Variants in CECR2 observed in about 807,000 individuals in gnomAD.
The protein encoded by CECR2 is chromatin remodeling regulator CECR2.
A neutral mutation model predicts 154.5 loss-of-function variants in CECR2; 30 were observed. The ratio of observed to expected loss-of-function variants is 0.19; its 90% confidence interval spans 0.15 to 0.26. The LOEUF (loss-of-function observed/expected upper bound fraction) is 0.26, where lower values mean the gene tolerates loss of function less well. Among genes scored for constraint, CECR2 ranks in the 10% least tolerant of loss-of-function variants. The pLI, the probability that CECR2 is intolerant of heterozygous loss-of-function variation, is 1.00. For missense variants in CECR2, 1,743 were observed against 1,829.3 expected (o/e 0.95, Z 0.86); for synonymous variants, 725 against 683.7 (o/e 1.06, Z -0.94).
intron 2 of CECR2, among the ~76,000 whole-genome samples, chr22:17,488,191 T>C (rs1437845093): frequency 6.6e-6 from 1 of 152,194 alleles, no homozygotes; most frequent in East Asian, 1.9e-4. Context: ...CCTCATTTAA[T>C]TTTTAATTAT....
intron 9 of CECR2, among the ~76,000 whole-genome samples, chr22:17,530,999 A>G (rs973844855): frequency 6.6e-6 from 1 of 152,126 alleles, no homozygotes; most frequent in African/African-American, 2.4e-5. Context: ...GCGCCACAAC[A>G]TTACTTACAC....
chr22:17,527,216 G>T (rs901975162), intron 9 of CECR2, among the ~76,000 whole-genome samples: 3 of 152,230 alleles, frequency 2.0e-5, no homozygotes, highest in African/African-American at 7.2e-5. Flanking sequence ...TCAGCACTTT[G>T]GGAGGCCAAG....
Position 17,542,705 on chromosome 22 carries a change from T to A in CECR2, c.2562T>A (p.Pro854=). The A allele has an allele frequency of 6.2e-7, 1 of 1,613,990 alleles. No individual in the cohort carries two copies. Among genetic ancestry groups the A allele is most frequent in the South Asian group, 1.1e-5 (1 of 91,074 alleles). Residue 854 remains proline (P), a synonymous_variant, in exon 16 of 19, where the codon CCT becomes CCA. Coordinates refer to ENST00000262608, the MANE Select transcript of CECR2 (RefSeq NM_001290047.2). ...CTGCCGGACATCGGTTACAGCCACCTCCAGTGCCAGCACCCAGTTCTTTGT... is the reference window on the plus strand; with the variant it reads ...CTGCCGGACATCGGTTACAGCCACCACCAGTGCCAGCACCCAGTTCTTTGT... ...CKSAGHRLQP[P]PVPAPSSLFG...
intron 2 of CECR2, among the ~76,000 whole-genome samples, chr22:17,484,627 G>A (rs373181466): frequency 1.7e-4 from 26 of 152,078 alleles, no homozygotes; most frequent in East Asian, 9.7e-4. Flanking sequence ...GAGGTCTGGC[G>A]CAACGTCTCA....
At chr22:17,497,360 T>C (rs1601460316) in intron 2 of CECR2, 43 bp from the exon 3 acceptor site, 1 of 1,542,428 alleles carries the variant, frequency 6.5e-7, no homozygotes, top group Non-Finnish European at 8.8e-7. Context: ...AACCAACCTA[T>C]ATTTTATATT....
intron 1 of CECR2, among the ~76,000 whole-genome samples, chr22:17,430,185 A>G (rs376985675): frequency 2.6e-5 from 4 of 152,110 alleles, no homozygotes; most frequent in Non-Finnish European, 4.4e-5. Context: ...TTTTATCTGC[A>G]TTACTTCTTT....
chr22:17,404,531 G>A lies in CECR2; in HGVS notation c.126+34622G>A, dbSNP rs565452676. ...TGGGACTACAGGCGCCCGCCACTAC[G>A]CCCGGCTAATTTTTTGTATTTTTAG... On this transcript the variant is annotated intron_variant, in intron 1 of 18. Coordinates refer to ENST00000262608, the MANE Select transcript of CECR2 (RefSeq NM_001290047.2). Among the ~76,000 whole-genome samples the A allele has an allele frequency of 4.1e-4, 57 of 139,730 alleles. 4 individuals are homozygous for A. The South Asian group carries it at 6.2e-3, about 15-fold the overall frequency. The allele number at this position is 139,730 out of a possible 152,430, so 91.7% of individuals were successfully genotyped here.
chr22:17,541,980 C>T lies in CECR2; in HGVS notation c.2013+13C>T, dbSNP rs759291548. On this transcript the variant is annotated intron_variant, in intron 15 of 18. Transcript: ENST00000262608. ...TTTCACCATGCAGGTAAGCAGCCTACTCTGGAGGTGCAGGTGCAGGGGGTC... is the reference window on the plus strand; with the variant it reads ...TTTCACCATGCAGGTAAGCAGCCTATTCTGGAGGTGCAGGTGCAGGGGGTC... 1.2e-6 allele frequency: 2 copies of T among 1,608,468 alleles called. No homozygotes were observed. The highest frequency in any genetic ancestry group is 1.7e-6 in the Non-Finnish European group (2 of 1,177,214).
intron 6 of CECR2, 137 bp downstream of exon 6, chr22:17,503,268 C>G (rs2055772915): frequency 1.1e-5 from 8 of 698,212 alleles, no homozygotes; most frequent in South Asian, 1.9e-5. Context: ...TACTCTTCTT[C>G]AGTTCTCCTC....
chr22:17,378,458 G>A (rs1201293212), intron 1 of CECR2, among the ~76,000 whole-genome samples: 6 of 151,174 alleles, frequency 4.0e-5, no homozygotes, highest in African/African-American at 9.7e-5. Flanking sequence ...CACCACGCCT[G>A]GCTAATTTTT....
intron 1 of CECR2, chr22:17,419,389 T>G: frequency 5.6e-6 from 1 of 177,584 alleles, no homozygotes; most frequent in Non-Finnish European, 1.2e-5. Context: ...CACCTGGGGA[T>G]TGGAGGAGGT....
At position 17,554,800 on chromosome 22, in the gene CECR2, G is replaced by A. The variant is rs2056755487; in HGVS notation, c.*1960G>A. 5 of 152,338 alleles carry A rather than the reference G, an allele frequency of 3.3e-5. No homozygotes were observed. In the South Asian group the frequency reaches 1.0e-3, roughly 32 times the overall value. 9.4% of individuals were successfully genotyped at this position (152,338 alleles called of 1,614,324 possible). On this transcript the variant is annotated 3_prime_UTR_variant, in exon 19 of 19. Transcript: ENST00000262608. ...TAACCTGGTTTAGAAGAGTGAAGAG[G>A]ACAGAAGGATTGTGGATGGGTCTGC...
rs1025133742 is a variant in CECR2 at position 17,554,672 on chromosome 22, CAG to C, written c.*1837_*1838del. 1.3e-5 allele frequency: 2 copies of C among 152,136 alleles called. No homozygotes were observed. The highest frequency in any genetic ancestry group is 4.8e-5 in the African/African-American group (2 of 41,420). 9.4% of individuals were successfully genotyped at this position (152,136 alleles called of 1,614,324 possible). ...ATGCACAAAAATACAGATTTTCTCT[CAG>C]AGAGGTTTTAATTTTAAATTTGATG... On this transcript the variant is annotated 3_prime_UTR_variant, in exon 19 of 19. Coordinates refer to ENST00000262608, the MANE Select transcript of CECR2 (RefSeq NM_001290047.2).
At position 17,542,542 on chromosome 22, in the gene CECR2, A is replaced by G. The variant is rs1401005512; in HGVS notation, c.2399A>G (p.His800Arg). ...EKPHLGPGPSHQPRTLGHVMD... is the reference protein window; with the variant it reads ...EKPHLGPGPSRQPRTLGHVMD... ...CCCCACCTGGGGCCAGGACCCTCTC[A>G]CCAGCCTCGCACTCTCGGTCACGTG... Residue 800 changes from histidine (H) to arginine (R), a missense_variant, in exon 16 of 19, where the codon CAC (histidine) becomes CGC (arginine). Around this residue, in one of 4 missense-constraint regions of CECR2, gnomAD observed 1,250 missense variants for 1,192.1 expected, o/e 1.05. Coordinates refer to ENST00000262608, the MANE Select transcript of CECR2 (RefSeq NM_001290047.2). The G allele has an allele frequency of 1.2e-6, 2 of 1,613,730 alleles. No homozygotes were observed. Among genetic ancestry groups the G allele is most frequent in the African/African-American group, 2.7e-5 (2 of 74,872 alleles).
At chr22:17,451,665 G>A (rs2054773210) in intron 1 of CECR2, among the ~76,000 whole-genome samples, 1 of 152,140 alleles carries the variant, frequency 6.6e-6, no homozygotes, top group Admixed American at 6.5e-5. Context: ...TCTTTCCAGT[G>A]TATGGCTGGC....
intron 1 of CECR2, among the ~76,000 whole-genome samples, chr22:17,379,247 C>T (rs371771450): frequency 5.9e-5 from 9 of 152,238 alleles, no homozygotes; most frequent in African/African-American, 1.9e-4. Flanking sequence ...CTGAGCCCCC[C>T]GCGCCTGGCA....
chr22:17,463,489 A>G (rs942272845), intron 1 of CECR2, among the ~76,000 whole-genome samples: 1 of 152,120 alleles, frequency 6.6e-6, no homozygotes, highest in African/African-American at 2.4e-5. Context: ...GGGTTTCTGA[A>G]TCTCTTTTGA....
At chr22:17,456,992 A>G (rs1417225262) in intron 1 of CECR2, among the ~76,000 whole-genome samples, 3 of 152,164 alleles carry the variant, frequency 2.0e-5, no homozygotes, top group African/African-American at 7.2e-5. Context: ...TTTGCTCCCT[A>G]TCTGGTCAGG....
intron 2 of CECR2, among the ~76,000 whole-genome samples, chr22:17,494,936 G>A (rs775268656): frequency 5.3e-5 from 8 of 151,136 alleles, no homozygotes; most frequent in Admixed American, 1.3e-4. Context: ...CTCGTGATCC[G>A]CCCACCTCGG....
Sources: gnomAD v4.1 joint callset for allele counts (sites outside exome capture counted in the v4.1 genomes callset) on GRCh38, gnomAD v4.1.1 for gene constraint, gnomAD v4.1.1 regional missense constraint, MANE v1.5 for transcripts, NCBI Gene and HGNC (gene_info 2026-07-23, HGNC 2026-07-21) for gene names.